The following ELF2 variants were observed in gnomAD, a reference collection of about 807,000 sequenced individuals.
ELF2 encodes ETS-related transcription factor Elf-2.
ELF2 carries 11 observed loss-of-function variants against 54.8 expected under a neutral mutation model. The observed-to-expected ratio is 0.20, with a 90% CI of 0.13 to 0.33. The LOEUF is 0.33. Among genes scored for constraint, ELF2 ranks in the 10% least tolerant of loss-of-function variants. ELF2 has a pLI of 1.00. For synonymous variants in ELF2, 203 were observed against 245.1 expected (o/e 0.83, Z 1.61); for missense variants, 513 against 703.0 (o/e 0.73, Z 3.06).
At chr4:139,088,194 G>T (rs1033830336) in intron 4 of ELF2, among the ~76,000 whole-genome samples, 1 of 149,658 alleles carries the variant, frequency 6.7e-6, no homozygotes, top group African/African-American at 2.5e-5. Context: ...GACTGAGGCA[G>T]GAGAATCATT....
chr4:139,118,835 G>C (rs1736026098), intron 4 of ELF2, among the ~76,000 whole-genome samples: 1 of 152,120 alleles, frequency 6.6e-6, no homozygotes, highest in Admixed American at 6.5e-5. Context: ...TCTGTCACAA[G>C]CACTGTGCTT....
intron 6 of ELF2, among the ~76,000 whole-genome samples, chr4:139,070,995 GAAT>G (rs1729428795): frequency 6.6e-6 from 1 of 152,168 alleles, no homozygotes; most frequent in African/African-American, 2.4e-5. Context: ...TAATTACTTA[GAAT>G]GTCATGTCTT....
At chr4:139,147,798 T>C (rs573933396) in intron 1 of ELF2, among the ~76,000 whole-genome samples, 1,905 of 148,540 alleles carry the variant, frequency 0.013, 46 homozygotes, top group African/African-American at 0.046. Context: ...TTTTTTTTTT[T>C]TTCCTGAGAT....
chr4:139,159,249 T>C (rs1001212860), intron 1 of ELF2, among the ~76,000 whole-genome samples: 1 of 152,030 alleles, frequency 6.6e-6, no homozygotes, highest in Non-Finnish European at 1.5e-5. Flanking sequence ...TGAGGAGTAG[T>C]AGAATAGCAG....
rs201829178 is a variant in ELF2 at position 139,078,348 on chromosome 4, TAGTACAA to T, written c.239-4788_239-4782del. ...TCCTATAAGCAACACTATAAACTAA[TAGTACAA>T]GGTCTTCAGTCAACTGCAGCACCCG... On this transcript the variant is annotated intron_variant, in intron 4 of 9. Coordinates refer to ENST00000686138, the MANE Select transcript of ELF2 (RefSeq NM_001331036.3). Among the ~76,000 whole-genome samples, 1,118 of 152,334 alleles carry T rather than the reference TAGTACAA, an allele frequency of 7.3e-3. 19 individuals carry two copies. Among genetic ancestry groups the T allele is most frequent in the African/African-American group, 0.025 (1,056 of 41,578 alleles).
chr4:139,133,867 C>T (rs1737820962), intron 3 of ELF2, among the ~76,000 whole-genome samples: 1 of 152,174 alleles, frequency 6.6e-6, no homozygotes, highest in Admixed American at 6.5e-5. Flanking sequence ...CTCATATCCT[C>T]TGGCTATTCT....
intron 1 of ELF2, among the ~76,000 whole-genome samples, chr4:139,162,885 C>A (rs1741314569): frequency 6.6e-6 from 1 of 152,014 alleles, no homozygotes; most frequent in Non-Finnish European, 1.5e-5. Context: ...TTACTTAAGG[C>A]CAGGAGTCCA....
intron 1 of ELF2, among the ~76,000 whole-genome samples, chr4:139,168,066 C>T (rs575521075): frequency 6.6e-6 from 1 of 152,342 alleles, no homozygotes; most frequent in African/African-American, 2.4e-5. Flanking sequence ...TCACACTCTG[C>T]TTTAATTCAA....
chr4:139,166,914 A>G (rs1390970798), intron 1 of ELF2, among the ~76,000 whole-genome samples: 1 of 152,204 alleles, frequency 6.6e-6, no homozygotes, highest in Non-Finnish European at 1.5e-5. Context: ...TGATGTTTTT[A>G]TGACTTTTAT....
At chr4:139,067,868 G>T in intron 6 of ELF2, 98 bp from the exon 7 acceptor site, 1 of 1,153,250 alleles carries the variant, frequency 8.7e-7, no homozygotes, top group Non-Finnish European at 1.2e-6. Context: ...CATTTAAATG[G>T]ATACTAATTT....
chr4:139,101,142 A>G (rs1471675547), intron 4 of ELF2, among the ~76,000 whole-genome samples: 1 of 152,272 alleles, frequency 6.6e-6, no homozygotes. Flanking sequence ...ACTTCCCATC[A>G]GAATAGCTAA....
intron 1 of ELF2, among the ~76,000 whole-genome samples, chr4:139,157,868 A>T (rs1740705082): frequency 6.6e-6 from 1 of 152,236 alleles, no homozygotes; most frequent in Admixed American, 6.5e-5. Flanking sequence ...GTATCATCTA[A>T]ATATACTCTG....
At chr4:139,106,813 G>A (rs1175444545) in intron 4 of ELF2, among the ~76,000 whole-genome samples, 1 of 146,912 alleles carries the variant, frequency 6.8e-6, no homozygotes, top group Non-Finnish European at 1.5e-5. Flanking sequence ...GCTTGATCTC[G>A]GCTCACTGCA....
At chr4:139,137,895 A>G in intron 2 of ELF2, 28 bp from the exon 3 acceptor site, 1 of 1,282,380 alleles carries the variant, frequency 7.8e-7, no homozygotes. Context: ...TTGAAAAGTT[A>G]TTTTAAAAAT....
intron 1 of ELF2, among the ~76,000 whole-genome samples, chr4:139,154,122 TTTTC>T (rs1740295118): frequency 6.6e-6 from 1 of 152,194 alleles, no homozygotes; most frequent in Non-Finnish European, 1.5e-5. Flanking sequence ...GCCTCAGTCA[TTTTC>T]TTTGTGTTAC....
chr4:139,080,828 A>C (rs971129936), intron 4 of ELF2, among the ~76,000 whole-genome samples: 1 of 152,086 alleles, frequency 6.6e-6, no homozygotes, highest in Non-Finnish European at 1.5e-5. Context: ...ACATATAAAG[A>C]GCCTCAAGTT....
intron 3 of ELF2, among the ~76,000 whole-genome samples, chr4:139,125,630 A>G (rs549262927): frequency 6.6e-6 from 1 of 152,214 alleles, no homozygotes; most frequent in South Asian, 2.1e-4. Flanking sequence ...ACAACAGTAA[A>G]AGACTCTTTT....
chr4:139,152,918 CAG>C (rs796668590), intron 1 of ELF2, among the ~76,000 whole-genome samples: 2 of 104,878 alleles, frequency 1.9e-5, no homozygotes, highest in African/African-American at 4.0e-5. Context: ...TTTTTTGAGA[CAG>C]AGTCTTGGTC....
intron 1 of ELF2, among the ~76,000 whole-genome samples, chr4:139,150,283 C>T (rs1034816878): frequency 6.6e-6 from 1 of 151,872 alleles, no homozygotes; most frequent in Non-Finnish European, 1.5e-5. Context: ...AAGAGAATTG[C>T]TTGAACCCGG....
Sources: gnomAD v4.1 joint callset for allele counts (sites outside exome capture counted in the v4.1 genomes callset) on GRCh38, gnomAD v4.1.1 for gene constraint, MANE v1.5 for transcripts, NCBI Gene and HGNC (gene_info 2026-07-23, HGNC 2026-07-21) for gene names.